ATP13A4: variants seen among roughly 807,000 people sequenced by gnomAD.
ATP13A4 encodes the protein probable cation-transporting ATPase 13A4.
A neutral mutation model predicts 142.5 loss-of-function variants in ATP13A4; 114 were observed. That is an observed-to-expected ratio of 0.80 (90% confidence interval 0.69 to 0.93). ATP13A4 has a LOEUF of 0.93. Ranked by LOEUF, ATP13A4 falls within the 40% of genes least tolerant of loss-of-function variation. ATP13A4 has a pLI of 0.00. For synonymous variants in ATP13A4, 488 were observed against 514.8 expected, an observed-to-expected ratio of 0.95 and a Z score of 0.70; for missense variants, 1,392 against 1,454.0, an observed-to-expected ratio of 0.96 and a Z score of 0.69.
chr3:193,410,675 C>T (rs1019609950), intron 28 of ATP13A4, among the ~76,000 whole-genome samples: 1 of 152,152 alleles, frequency 6.6e-6, no homozygotes, highest in African/African-American at 2.4e-5. Flanking sequence ...ACTACGATTG[C>T]ACCATGGCAC....
In ATP13A4 at chr3:193,459,129, G is replaced by T; in HGVS notation, c.1626C>A (p.Thr542=). The T allele has an allele frequency of 6.2e-7, 1 of 1,614,206 alleles. No individual in the cohort carries two copies. Among genetic ancestry groups the T allele is most frequent in the Non-Finnish European group, 8.5e-7 (1 of 1,180,024 alleles). ...SCHSLILLDG[T]IQGDPLDLKM... Reference sequence around the variant, plus strand: ...TGAGGTCCAGAGGGTCTCCCTGGATGGTCCCATCAAGAAGGATCAGAGAGT... The same window carrying T: ...TGAGGTCCAGAGGGTCTCCCTGGATTGTCCCATCAAGAAGGATCAGAGAGT... The change falls in exon 14 of 30, where the codon ACC becomes ACA. Residue 542 remains threonine (T), a synonymous_variant. Transcript: ENST00000342695.
intron 1 of ATP13A4, among the ~76,000 whole-genome samples, chr3:193,546,433 C>G (rs1394953518): frequency 2.0e-5 from 3 of 152,130 alleles, no homozygotes; most frequent in Non-Finnish European, 4.4e-5. Flanking sequence ...CTGCAGCACC[C>G]AAATGAAAGT....
At chr3:193,587,062 G>A (rs1724684187) in intron 1 of ATP13A4, among the ~76,000 whole-genome samples, 1 of 152,074 alleles carries the variant, frequency 6.6e-6, no homozygotes, top group Admixed American at 6.5e-5. Context: ...GTAAATTTAT[G>A]GCTAATTATA....
intron 2 of ATP13A4, among the ~76,000 whole-genome samples, chr3:193,572,557 C>T (rs1349798550): frequency 2.0e-5 from 3 of 152,162 alleles, no homozygotes; most frequent in African/African-American, 4.8e-5. Flanking sequence ...TTTAGTGGGA[C>T]GCCTCTGCCC....
intron 1 of ATP13A4, among the ~76,000 whole-genome samples, chr3:193,525,190 A>G (rs1453915704): frequency 2.0e-5 from 3 of 152,246 alleles, no homozygotes; most frequent in African/African-American, 7.2e-5. Context: ...TTAATAGACT[A>G]GTAAACAGAA....
Position 193,442,524 on chromosome 3 carries a change from T to TG in ATP13A4, c.2184dup (p.Arg729GlnfsTer8). The TG allele has an allele frequency of 6.2e-7, 1 of 1,614,100 alleles. No homozygotes were observed. Among genetic ancestry groups the TG allele is most frequent in the Non-Finnish European group, 8.5e-7 (1 of 1,179,950 alleles). On this transcript the variant is annotated frameshift_variant, in exon 19 of 30. Coordinates refer to ENST00000342695, the MANE Select transcript of ATP13A4 (RefSeq NM_032279.4). LOFTEE classifies it high-confidence loss of function. ...CTTTCAGAAACCATTCCAGATTTTC[T>TG]GGCCACTGTTATTGCAGTCTGAAGA...
upstream of ATP13A4, chr3:193,555,022 G>A: frequency 8.8e-7 from 1 of 1,133,214 alleles, no homozygotes; most frequent in Non-Finnish European, 1.2e-6. Flanking sequence ...ATTGCTGGCT[G>A]CTCCCTGCTT....
chr3:193,486,045 T>C (rs1400645390), intron 7 of ATP13A4, among the ~76,000 whole-genome samples: 1 of 150,100 alleles, frequency 6.7e-6, no homozygotes, highest in Non-Finnish European at 1.5e-5. Context: ...ACAGTTGTCT[T>C]TAAATATATA....
chr3:193,515,683 T>C (rs2108686020), intron 1 of ATP13A4, among the ~76,000 whole-genome samples: 1 of 152,258 alleles, frequency 6.6e-6, no homozygotes, highest in South Asian at 2.1e-4. Flanking sequence ...CTCTAATAAA[T>C]ATATAATCTA....
intron 25 of ATP13A4, among the ~76,000 whole-genome samples, chr3:193,427,422 G>A (rs1715725839): frequency 6.6e-6 from 1 of 152,076 alleles, no homozygotes; most frequent in Admixed American, 6.6e-5. Flanking sequence ...AGCTACCAAT[G>A]ACTTTCTTCA....
At chr3:193,584,386 C>G (rs1724629587) in intron 1 of ATP13A4, among the ~76,000 whole-genome samples, 1 of 152,174 alleles carries the variant, frequency 6.6e-6, no homozygotes, top group Non-Finnish European at 1.5e-5. Flanking sequence ...GGATTCTTCC[C>G]TAGAGACCCA....
chr3:193,462,625 A>G, intron 13 of ATP13A4, 137 bp downstream of exon 13: 1 of 804,208 alleles, frequency 1.2e-6, no homozygotes, highest in Non-Finnish European at 2.1e-6. Context: ...ATGAGAAGTT[A>G]AAAGAAGATA....
chr3:193,573,225 G>T (rs1577085938), intron 2 of ATP13A4, among the ~76,000 whole-genome samples: 1 of 133,262 alleles, frequency 7.5e-6, no homozygotes, highest in African/African-American at 3.0e-5. Flanking sequence ...AAACTTTAAG[G>T]AATACCACAG....
intron 1 of ATP13A4, among the ~76,000 whole-genome samples, chr3:193,592,238 G>T (rs1157477686): frequency 6.6e-6 from 1 of 151,928 alleles, no homozygotes; most frequent in Non-Finnish European, 1.5e-5. Context: ...CTTCATAACC[G>T]TTCACAGGCC....
At chr3:193,457,308 C>G in intron 15 of ATP13A4, 71 bp downstream of exon 15, 2 of 1,592,252 alleles carry the variant, frequency 1.3e-6, no homozygotes, top group Non-Finnish European at 1.7e-6. Flanking sequence ...TGTGACCTTT[C>G]AAAAACTGGG....
chr3:193,433,852 A>G lies in ATP13A4; in HGVS notation c.2835T>C (p.Gly945=), dbSNP rs1353534763. ...AGTTTTAAAATGTCTTACTTGTTAC[A>G]CCAATAAGAGTTGTAATGGCCAGAT... The part of the protein sequence containing the change: ...FQDLAITTLI[G]VTMNLNGAYP... Residue 945 remains glycine, a synonymous_variant, in exon 25 of 30, where the codon GGT becomes GGC. Transcript: ENST00000342695. 1.2e-6 allele frequency: 2 copies of G among 1,612,862 alleles called. No individual in the cohort carries two copies. Among genetic ancestry groups the G allele is most frequent in the African/African-American group, 1.3e-5 (1 of 74,904 alleles).
intron 12 of ATP13A4, among the ~76,000 whole-genome samples, chr3:193,463,897 C>T (rs922617683): frequency 6.6e-6 from 1 of 152,092 alleles, no homozygotes; most frequent in African/African-American, 2.4e-5. Context: ...GCCCTGATCC[C>T]ATTAATTCTC....
chr3:193,500,022 C>T (rs981046832), intron 3 of ATP13A4, among the ~76,000 whole-genome samples: 1 of 152,140 alleles, frequency 6.6e-6, no homozygotes, highest in Non-Finnish European at 1.5e-5. Flanking sequence ...TTGAGATTCC[C>T]GCAGGAGAAA....
At position 193,407,170 on chromosome 3, in the gene ATP13A4, T is replaced by C. The variant is rs1714539107; in HGVS notation, c.3378+143A>G. ...TGGGACTCATCAGAGGAAGGCACCA[T>C]TGCTTATACTGTGAAGGAAGGGAGC... On this transcript the variant is annotated intron_variant, in intron 29 of 29. Transcript: ENST00000342695. 9.9e-6 allele frequency: 7 copies of C among 704,020 alleles called. No individual in the cohort carries two copies. In the South Asian group the frequency reaches 1.1e-4, roughly 11 times the overall value. The allele number at this position is 704,020 out of a possible 1,614,324, so 43.6% of individuals were successfully genotyped here.
Sources: allele counts gnomAD v4.1 joint callset (sites outside exome capture counted in the v4.1 genomes callset), GRCh38; gene constraint gnomAD v4.1.1; transcripts MANE v1.5; gene names NCBI Gene and HGNC (gene_info 2026-07-23, HGNC 2026-07-21).